Variants in IKBKB observed in about 807,000 individuals in gnomAD.
IKBKB encodes inhibitor of nuclear factor kappa B kinase subunit beta.
Under a neutral mutation model 113.6 loss-of-function variants are expected in IKBKB, and 42 were observed. The ratio of observed to expected loss-of-function variants is 0.37; its 90% CI spans 0.29 to 0.48. The LOEUF is 0.48. Ranked by LOEUF, IKBKB falls within the 20% of genes least tolerant of loss-of-function variation. The pLI is 0.99. For synonymous variants in IKBKB, 296 were observed against 361.3 expected (o/e 0.82, Z 2.05); for missense variants, 673 against 939.7 (o/e 0.72, Z 3.71).
intron 1 of IKBKB, 92 bp downstream of exon 1, chr8:42,271,561 G>T (rs1807727878): frequency 8.8e-6 from 5 of 565,102 alleles, no homozygotes; most frequent in Non-Finnish European, 1.5e-5. Flanking sequence ...CTGTGCCGCT[G>T]GGAAGTCGCA....
At chr8:42,321,724 A>G in intron 16 of IKBKB, 172 bp from the exon 17 acceptor site, 1 of 581,088 alleles carries the variant, frequency 1.7e-6, no homozygotes, top group South Asian at 2.3e-5. Context: ...GGCACAGTGG[A>G]TCACATCTGT....
intron 8 of IKBKB, among the ~76,000 whole-genome samples, chr8:42,311,155 C>G: frequency 6.6e-6 from 1 of 152,192 alleles, no homozygotes; most frequent in East Asian, 1.9e-4. Flanking sequence ...TGGACACTGC[C>G]CCTTTCACCA....
rs756291627 is a variant in IKBKB, at chr8:42,331,347, T to C, written c.*368T>C. 1.4e-6 allele frequency: 1 copy of C among 702,844 alleles called. No individual in the cohort carries two copies. Among genetic ancestry groups the C allele is most frequent in the Non-Finnish European group, 2.6e-6 (1 of 385,014 alleles). 43.5% of individuals were successfully genotyped at this position (702,844 alleles called of 1,614,324 possible). On this transcript the variant is annotated 3_prime_UTR_variant, in exon 22 of 22. Coordinates refer to ENST00000520810, the MANE Select transcript of IKBKB (RefSeq NM_001556.3). Reference sequence around the variant, plus strand: ...GCTCCTTCCTCTGCCGTGAGAAAAGTGCTTGGAGTACGGTTTGCCACACAC... The same window carrying C: ...GCTCCTTCCTCTGCCGTGAGAAAAGCGCTTGGAGTACGGTTTGCCACACAC...
chr8:42,271,320 G>C lies in IKBKB; in HGVS notation c.-168G>C, dbSNP rs1481832292. 2.0e-6 allele frequency: 2 copies of C among 988,566 alleles called. No individual in the cohort carries two copies. The highest frequency in any genetic ancestry group is 3.2e-5 in the African/African-American group (2 of 62,454). The allele number at this position is 988,566 out of a possible 1,614,324, so 61.2% of individuals were successfully genotyped here. ...GTGCTCCGTGACGTCAGAGCAGGAAGTGTTTGAGGAAGTCGCGCCGCGCTG... is the reference window on the plus strand; with the variant it reads ...GTGCTCCGTGACGTCAGAGCAGGAACTGTTTGAGGAAGTCGCGCCGCGCTG... On this transcript the variant is annotated 5_prime_UTR_variant, in exon 1 of 22. Coordinates refer to ENST00000520810, the MANE Select transcript of IKBKB (RefSeq NM_001556.3).
In IKBKB at chr8:42,271,379, AG is replaced by A. The variant is rs1248932558; in HGVS notation, c.-103del. ...AAGATTCCCGCATTTTAATGTTTTC[AG>A]GGGGGTGTCATAGCCCCGGGTTTGG... On this transcript the variant is annotated 5_prime_UTR_variant, in exon 1 of 22. It removes the in-frame stop codon of an upstream open reading frame in the 5' UTR. Coordinates refer to ENST00000520810, the MANE Select transcript of IKBKB (RefSeq NM_001556.3). 1.2e-5 allele frequency: 18 copies of A among 1,507,080 alleles called. No individual in the cohort carries two copies. Among genetic ancestry groups the A allele is most frequent in the Non-Finnish European group, 1.5e-5 (17 of 1,121,722 alleles). The allele number at this position is 1,507,080 out of a possible 1,614,324, so 93.4% of individuals were successfully genotyped here.
chr8:42,290,099 T>G (rs573229412), intron 3 of IKBKB, 57 bp from the exon 4 acceptor site: 7 of 1,195,654 alleles, frequency 5.9e-6, no homozygotes, highest in Non-Finnish European at 7.5e-6. Context: ...GTGGGGGTGG[T>G]GGGGATGGGT....
intron 19 of IKBKB, among the ~76,000 whole-genome samples, chr8:42,323,634 T>A (rs796543828): frequency 2.0e-5 from 3 of 152,164 alleles, no homozygotes; most frequent in African/African-American, 7.2e-5. Context: ...AGATTCTCAT[T>A]GTCAAAGGCA....
chr8:42,327,971 C>T lies in IKBKB; in HGVS notation c.2115-1153C>T, dbSNP rs545334102. On this transcript the variant is annotated intron_variant, in intron 20 of 21. Transcript: ENST00000520810. ...GACTACAGGCGCCCGCCACCGCGCC[C>T]GGCTAATTTTTTGTATTTTTAGTAG... Among the ~76,000 whole-genome samples, 6 of 40,574 alleles carry T rather than the reference C, an allele frequency of 1.5e-4. 3 individuals carry two copies. The highest frequency in any genetic ancestry group is 8.1e-4 in the Non-Finnish European group (6 of 7,372). 26.6% of individuals were successfully genotyped at this position (40,574 alleles called of 152,430 possible). A position where few individuals can be genotyped will look rare whatever the true frequency, so the allele number is the denominator to read the frequency against.
At chr8:42,314,225 T>A in intron 8 of IKBKB, 97 bp from the exon 9 acceptor site, 1 of 869,842 alleles carries the variant, frequency 1.1e-6, no homozygotes, top group Non-Finnish European at 2.0e-6. Context: ...TTGTGTTATG[T>A]TCACACAAGG....
chr8:42,271,818 G>A lies in IKBKB; in HGVS notation c.-18-265G>A, dbSNP rs547061923. The A allele has an allele frequency of 4.6e-4, 249 of 544,206 alleles. 7 individuals carry two copies. The South Asian group carries it at 5.5e-3, about 12-fold the overall frequency. The allele number at this position is 544,206 out of a possible 1,614,324, so 33.7% of individuals were successfully genotyped here. A position where few individuals can be genotyped will look rare whatever the true frequency, so the allele number is the denominator to read the frequency against. Reference sequence around the variant, plus strand: ...AGTCAGCTGGGGATCCCCTCGCTAGGGCAAGGGCGTGGGCATCGCCTCCCT... The same window carrying A: ...AGTCAGCTGGGGATCCCCTCGCTAGAGCAAGGGCGTGGGCATCGCCTCCCT... On this transcript the variant is annotated intron_variant, in intron 1 of 21. Coordinates refer to ENST00000520810, the MANE Select transcript of IKBKB (RefSeq NM_001556.3).
rs768380323 is a variant in IKBKB at position 42,316,215 on chromosome 8, T to G, written c.806T>G (p.Leu269Arg). The change falls in exon 10 of 22, where the codon CTG (leucine) becomes CGG (arginine). Residue 269 changes from leucine to arginine, a missense_variant. By Grantham distance (102) the Leu-to-Arg change is moderately radical. Around this residue, in one of 2 missense-constraint regions of IKBKB, gnomAD observed 506 missense variants for 638.7 expected, o/e 0.79. Transcript: ENST00000520810. This position sits in a 1 kb window ranked among gnomAD's most constrained non-coding sequence, Gnocchi z 4.5. ...CACTATGCTCCTCTCCACAGTGTCCTGGCTGAGCGACTGGAGAAGTGGCTG... is the reference window on the plus strand; with the variant it reads ...CACTATGCTCCTCTCCACAGTGTCCGGGCTGAGCGACTGGAGAAGTGGCTG... ...LPYPNNLNSV[L>R]AERLEKWLQL... The G allele has an allele frequency of 6.2e-7, 1 of 1,614,108 alleles. No homozygotes were observed. Among genetic ancestry groups the G allele is most frequent in the East Asian group, 2.2e-5 (1 of 44,890 alleles).
intron 20 of IKBKB, 67 bp downstream of exon 20, chr8:42,326,164 G>A (rs916408254): frequency 3.2e-6 from 5 of 1,572,716 alleles, no homozygotes; most frequent in African/African-American, 1.4e-5. Context: ...GGATGGAGGC[G>A]TTTGTCACTG....
chr8:42,303,136 AG>A (rs1256483242), intron 5 of IKBKB, among the ~76,000 whole-genome samples: 1 of 144,592 alleles, frequency 6.9e-6, no homozygotes, highest in Non-Finnish European at 1.5e-5. Flanking sequence ...AGAGAGAGAG[AG>A]GAGAGAGAAT....
At chr8:42,330,217 C>T (rs1377491406) in intron 21 of IKBKB, 1 of 985,292 alleles carries the variant, frequency 1.0e-6, no homozygotes, top group Admixed American at 6.1e-5. Flanking sequence ...TTCCCACAGT[C>T]ACAGAATCTC....
In IKBKB at chr8:42,324,977, C is replaced by T. The variant is rs1305960240; in HGVS notation, c.1987-993C>T. On this transcript the variant is annotated intron_variant, in intron 19 of 21. Transcript: ENST00000520810. ...TTAACATGGCTTCTTGATGTGTGGG[C>T]CTTGAGGTTTCGCTGGAGGGGAGGA... The T allele has an allele frequency of 2.6e-5, 4 of 152,930 alleles. No individual in the cohort carries two copies. The East Asian group carries it at 7.7e-4, about 29-fold the overall frequency. 9.5% of individuals were successfully genotyped at this position (152,930 alleles called of 1,614,324 possible).
At chr8:42,319,516 A>C (rs932444835) in intron 14 of IKBKB, 69 bp from the exon 15 acceptor site, 3 of 1,582,026 alleles carry the variant, frequency 1.9e-6, no homozygotes, top group Non-Finnish European at 2.6e-6. Context: ...TGAGTTGCTT[A>C]TTTCTGTTTC....
At chr8:42,311,563 CAA>C (rs56282608) in intron 8 of IKBKB, among the ~76,000 whole-genome samples, 5 of 114,064 alleles carry the variant, frequency 4.4e-5, no homozygotes, top group African/African-American at 4.1e-5. Context: ...TCCATCTTAC[CAA>C]AAAAAAAAAA....
intron 8 of IKBKB, chr8:42,313,974 A>C (rs915137279): frequency 3.6e-5 from 8 of 225,316 alleles, no homozygotes; most frequent in African/African-American, 1.8e-4. Context: ...ATGACTGTAT[A>C]TTTCATTGAC....
chr8:42,330,872 G>T (rs750074571), intron 21 of IKBKB, 42 bp from the exon 22 acceptor site: 1 of 1,614,090 alleles, frequency 6.2e-7, no homozygotes, highest in South Asian at 1.1e-5. Flanking sequence ...CCTGAAATGT[G>T]TTGGTGGCTG....
Sources: allele counts gnomAD v4.1 joint callset (sites outside exome capture counted in the v4.1 genomes callset), GRCh38; gene constraint gnomAD v4.1.1; regional missense constraint gnomAD v4.1.1; non-coding constraint Gnocchi (gnomAD v3.1); transcripts MANE v1.5; gene names NCBI Gene and HGNC (gene_info 2026-07-23, HGNC 2026-07-21).